FASLG: variants seen among roughly 807,000 people sequenced by gnomAD.
FASLG encodes Fas ligand.
FASLG carries 9 observed loss-of-function variants against 24.6 expected under a neutral mutation model. The observed-to-expected ratio is 0.37, with a 90% CI of 0.22 to 0.64. The LOEUF (loss-of-function observed/expected upper bound fraction) is 0.64, where lower values mean the gene tolerates loss of function less well. Among genes scored for constraint, FASLG ranks in the 30% least tolerant of loss-of-function variants. The pLI is 0.64. For missense variants in FASLG, 306 were observed against 345.3 expected (o/e 0.89, Z 0.90); for synonymous variants, 130 against 135.5 (o/e 0.96, Z 0.28).
chr1:172,665,219 T>C (rs1400682333), intron 3 of FASLG, among the ~76,000 whole-genome samples: 2 of 152,246 alleles, frequency 1.3e-5, no homozygotes, highest in African/African-American at 2.4e-5. Context: ...GGTGAGAAGA[T>C]GGACCAGATG....
chr1:172,661,926 G>A (rs753789682), intron 2 of FASLG, among the ~76,000 whole-genome samples: 2 of 151,882 alleles, frequency 1.3e-5, no homozygotes, highest in Admixed American at 6.6e-5. Flanking sequence ...TAATCCTATC[G>A]CTAAGAATTT....
In FASLG at chr1:172,659,292, C is replaced by T. The variant is rs764916296; in HGVS notation, c.91C>T (p.Pro31Ser). The T allele has an allele frequency of 1.4e-5, 22 of 1,614,058 alleles. No homozygotes were observed. The highest frequency in any genetic ancestry group is 1.8e-5 in the Non-Finnish European group (21 of 1,180,044). The change falls in exon 1 of 4, where the codon CCC becomes TCC. Residue 31 changes from proline (P) to serine (S), a missense_variant. Transcript: ENST00000367721. ...CTGGGCCCCTCCAGGCACAGTTCTT[C>T]CCTGTCCAACCTCTGTGCCCAGAAG... ...SPWAPPGTVL[P>S]CPTSVPRRPG...
At chr1:172,660,164 T>G in intron 2 of FASLG, 24 bp downstream of exon 2, 1 of 1,610,554 alleles carries the variant, frequency 6.2e-7, no homozygotes, top group African/African-American at 1.3e-5. Flanking sequence ...CGCATGTACA[T>G]TGAGTTCCCA....
chr1:172,663,011 T>C (rs1659176050), intron 2 of FASLG, among the ~76,000 whole-genome samples: 1 of 152,152 alleles, frequency 6.6e-6, no homozygotes, highest in Non-Finnish European at 1.5e-5. Context: ...CAGCTAATGT[T>C]CTCTGTGGAT....
At position 172,665,714 on chromosome 1, in the gene FASLG, G is replaced by A. The variant is rs1252955103; in HGVS notation, c.544G>A (p.Val182Met). The change falls in exon 4 of 4, where the codon GTG (valine) becomes ATG (methionine). Residue 182 changes from valine to methionine, a missense_variant. Transcript: ENST00000367721. ...SGVKYKKGGL[V>M]INETGLYFVY... ...AGTGAAGTATAAGAAGGGTGGCCTT[G>A]TGATCAATGAAACTGGGCTGTACTT... The A allele has an allele frequency of 1.2e-6, 2 of 1,614,190 alleles. No individual in the cohort carries two copies. The highest frequency in any genetic ancestry group is 1.7e-6 in the Non-Finnish European group (2 of 1,180,030).
In FASLG at chr1:172,659,222, C is replaced by T; in HGVS notation, c.21C>T (p.Tyr7=). The T allele has an allele frequency of 1.2e-6, 2 of 1,614,192 alleles. No homozygotes were observed. Among genetic ancestry groups the T allele is most frequent in the South Asian group, 1.1e-5 (1 of 91,080 alleles). Residue 7 remains tyrosine (Y), a synonymous_variant, in exon 1 of 4, where the codon TAC becomes TAT. Coordinates refer to ENST00000367721, the MANE Select transcript of FASLG (RefSeq NM_000639.3). The part of the protein sequence containing the change: MQQPFN[Y]PYPQIYWVDS... ...CTGCCATGCAGCAGCCCTTCAATTA[C>T]CCATATCCCCAGATCTACTGGGTGG...
Position 172,659,520 on chromosome 1 carries a change from C to G in FASLG, c.319C>G (p.Leu107Val). ...LGLGMFQLFH[L>V]QKELAELRES... ...CCTGGGGATGTTTCAGCTCTTCCAC[C>G]TACAGAAGGAGCTGGCAGAACTCCG... The change falls in exon 1 of 4, where the codon CTA (leucine) becomes GTA (valine). Residue 107 changes from leucine to valine, a missense_variant. Coordinates refer to ENST00000367721, the MANE Select transcript of FASLG (RefSeq NM_000639.3). 6.2e-7 allele frequency: 1 copy of G among 1,613,976 alleles called. No individual in the cohort carries two copies. The highest frequency in any genetic ancestry group is 8.5e-7 in the Non-Finnish European group (1 of 1,179,992).
chr1:172,661,921 C>T lies in FASLG; in HGVS notation c.394+1781C>T, dbSNP rs183506270. On this transcript the variant is annotated intron_variant, in intron 2 of 3. Coordinates refer to ENST00000367721, the MANE Select transcript of FASLG (RefSeq NM_000639.3). Reference sequence around the variant, plus strand: ...GTAACTAGTAGTTTACGTTGTAATCCTATCGCTAAGAATTTATCTTAAGAA... The same window carrying T: ...GTAACTAGTAGTTTACGTTGTAATCTTATCGCTAAGAATTTATCTTAAGAA... Among the ~76,000 whole-genome samples the T allele has an allele frequency of 3.6e-4, 55 of 152,096 alleles. No homozygotes were observed. In the East Asian group the frequency reaches 9.3e-3, roughly 26 times the overall value.
At position 172,660,096 on chromosome 1, in the gene FASLG, C is replaced by T. The variant is rs1659104319; in HGVS notation, c.350C>T (p.Ser117Phe). The T allele has an allele frequency of 6.2e-7, 1 of 1,613,920 alleles. No homozygotes were observed. The highest frequency in any genetic ancestry group is 1.1e-5 in the South Asian group (1 of 91,070). The change falls in exon 2 of 4, where the codon TCT becomes TTT. Residue 117 changes from serine (S) to phenylalanine (F), a missense_variant and splice_region_variant. Coordinates refer to ENST00000367721, the MANE Select transcript of FASLG (RefSeq NM_000639.3). ...LQKELAELRE[S>F]TSQMHTASSL... ...TCTTTTCTCTTTCTGTTTTACTAGTCTACCAGCCAGATGCACACAGCATCA... is the reference window on the plus strand; with the variant it reads ...TCTTTTCTCTTTCTGTTTTACTAGTTTACCAGCCAGATGCACACAGCATCA...
In FASLG at chr1:172,659,652, T is replaced by C. The variant is rs185771803; in HGVS notation, c.348+103T>C. The stretch of plus-strand genomic sequence containing the variant: ...AGTGCTTTTCAATCCTTTTTTTTTT[T>C]TTCTTAGAAATGGGTTGTTCTAGTT... On this transcript the variant is annotated intron_variant, in intron 1 of 3. Coordinates refer to ENST00000367721, the MANE Select transcript of FASLG (RefSeq NM_000639.3). 1,671 of 1,468,386 alleles carry C rather than the reference T, an allele frequency of 1.1e-3. 23 individuals carry two copies. In the South Asian group the frequency reaches 0.015, roughly 13 times the overall value. The allele number at this position is 1,468,386 out of a possible 1,614,324, so 91.0% of individuals were successfully genotyped here.
intron 1 of FASLG, among the ~76,000 whole-genome samples, chr1:172,659,790 T>G (rs1199923770): frequency 6.6e-6 from 1 of 152,212 alleles, no homozygotes; most frequent in Admixed American, 6.5e-5. Flanking sequence ...CAACTCAGTC[T>G]GTTGAACCAC....
intron 3 of FASLG, among the ~76,000 whole-genome samples, 189 bp from the exon 4 acceptor site, chr1:172,665,433 C>A (rs1571333359): frequency 1.3e-5 from 2 of 150,246 alleles, no homozygotes. Flanking sequence ...GTGTGGATGA[C>A]AAAATAGGAC....
At chr1:172,659,992 A>AT (rs1571329919) in intron 1 of FASLG, 103 bp from the exon 2 acceptor site, 1 of 1,239,092 alleles carries the variant, frequency 8.1e-7, no homozygotes, top group Non-Finnish European at 1.2e-6. Flanking sequence ...CTTCTGAGGT[A>AT]TTTGGATTCT....
At chr1:172,659,612 C>T in intron 1 of FASLG, 63 bp downstream of exon 1, 1 of 1,576,632 alleles carries the variant, frequency 6.3e-7, no homozygotes, top group African/African-American at 1.4e-5. Context: ...GGAGGGCCCA[C>T]TGCCTGGCTT....
intron 2 of FASLG, 42 bp from the exon 3 acceptor site, chr1:172,664,292 T>G (rs1659205418): frequency 6.3e-7 from 1 of 1,581,206 alleles, no homozygotes; most frequent in East Asian, 2.2e-5. Flanking sequence ...TAATAGTTGC[T>G]ATTTCATTTT....
chr1:172,666,093 C>T lies in FASLG; in HGVS notation c.*77C>T. 1 of 1,569,982 alleles carries T rather than the reference C, an allele frequency of 6.4e-7. No homozygotes were observed. Among genetic ancestry groups the T allele is most frequent in the Non-Finnish European group, 8.7e-7 (1 of 1,149,838 alleles). On this transcript the variant is annotated 3_prime_UTR_variant, in exon 4 of 4. Transcript: ENST00000367721. ...GAATGTTGTATTCAGTGAGGGTCTT[C>T]TTACATGCATTTGAGGTCAAGTAAG...
At position 172,659,239 on chromosome 1, in the gene FASLG, A is replaced by G; in HGVS notation, c.38A>G (p.Tyr13Cys). Residue 13 changes from tyrosine (Y) to cysteine (C), a missense_variant, in exon 1 of 4, where the codon TAC (tyrosine) becomes TGC (cysteine). Physicochemically the swap from Tyr to Cys is radical, Grantham distance 194. Coordinates refer to ENST00000367721, the MANE Select transcript of FASLG (RefSeq NM_000639.3). ...TTCAATTACCCATATCCCCAGATCT[A>G]CTGGGTGGACAGCAGTGCCAGCTCT... is the stretch of plus-strand genomic sequence containing the variant. ...QPFNYPYPQI[Y>C]WVDSSASSPW... 1 of 1,614,116 alleles carries G rather than the reference A, an allele frequency of 6.2e-7. No homozygotes were observed. Among genetic ancestry groups the G allele is most frequent in the Non-Finnish European group, 8.5e-7 (1 of 1,180,002 alleles).
At chr1:172,664,979 C>T (rs751993665) in intron 3 of FASLG, among the ~76,000 whole-genome samples, 17 of 152,200 alleles carry the variant, frequency 1.1e-4, no homozygotes, top group African/African-American at 7.2e-5. Flanking sequence ...TAGAATGATC[C>T]GGTCACATCA....
rs1659078015 is a variant in FASLG at position 172,659,145 on chromosome 1, A to T, written c.-57A>T. On this transcript the variant is annotated 5_prime_UTR_variant, in exon 1 of 4. Coordinates refer to ENST00000367721, the MANE Select transcript of FASLG (RefSeq NM_000639.3). Reference sequence around the variant, plus strand: ...TCCCGTCCTTGACACCTCAGCCTCTACAGGACTGAGAAGAAGTAAAACCGT... The same window carrying T: ...TCCCGTCCTTGACACCTCAGCCTCTTCAGGACTGAGAAGAAGTAAAACCGT... 9 of 1,612,094 alleles carry T rather than the reference A, an allele frequency of 5.6e-6. No individual in the cohort carries two copies. The Admixed American group carries it at 1.3e-4, about 24-fold the overall frequency.
Sources: gnomAD v4.1 joint callset for allele counts (sites outside exome capture counted in the v4.1 genomes callset) on GRCh38, gnomAD v4.1.1 for gene constraint, MANE v1.5 for transcripts, NCBI Gene and HGNC (gene_info 2026-07-23, HGNC 2026-07-21) for gene names.